ITGA8: variants seen among roughly 807,000 people sequenced by gnomAD.
ITGA8 encodes the protein integrin alpha-8.
Under a neutral mutation model 142.3 loss-of-function variants are expected in ITGA8, and 91 were observed. The ratio of observed to expected loss-of-function variants is 0.64; its 90% confidence interval spans 0.54 to 0.76. The LOEUF (loss-of-function observed/expected upper bound fraction) is 0.76. Among genes scored for constraint, ITGA8 ranks in the 30% least tolerant of loss-of-function variants. The pLI, the probability that ITGA8 is intolerant of heterozygous loss-of-function variation, is 0.00. For missense variants in ITGA8, 1,406 were observed against 1,327.7 expected (o/e 1.06, Z -0.92); for synonymous variants, 505 against 485.2 (o/e 1.04, Z -0.54).
At chr10:15,555,869 T>G (rs1272487135) in intron 26 of ITGA8, among the ~76,000 whole-genome samples, 2 of 151,388 alleles carry the variant, frequency 1.3e-5, no homozygotes, top group Non-Finnish European at 2.9e-5. Flanking sequence ...ATAATTTTTT[T>G]TGTATTTTTA....
chr10:15,575,571 A>G lies in ITGA8; in HGVS notation c.2396T>C (p.Val799Ala), dbSNP rs764920273. The G allele has an allele frequency of 4.3e-6, 7 of 1,613,804 alleles. No individual in the cohort carries two copies. In the African/African-American group the frequency reaches 9.3e-5, roughly 22 times the overall value. The change falls in exon 24 of 30, where the codon GTT (valine) becomes GCT (alanine). Residue 799 changes from valine to alanine, a missense_variant. By Grantham distance (64) the Val-to-Ala change is moderately conservative. Transcript: ENST00000378076. ...IRGVSHPPQI[V>A]LPIHNWEPEE... ...TGGTTCCCAGTTATGAATGGGCAGA[A>G]CAATCTGCGGAGGGTGTGACACTCT...
chr10:15,680,384 C>G (rs1156322995), intron 4 of ITGA8, among the ~76,000 whole-genome samples: 1 of 151,826 alleles, frequency 6.6e-6, no homozygotes, highest in Non-Finnish European at 1.5e-5. Flanking sequence ...ACTTTTTAAC[C>G]TCATGCACTG....
intron 20 of ITGA8, among the ~76,000 whole-genome samples, chr10:15,598,337 T>C (rs367639044): frequency 1.3e-5 from 2 of 152,202 alleles, no homozygotes; most frequent in South Asian, 4.1e-4. Flanking sequence ...TTTTATTTTA[T>C]TTTTTATTTG....
intron 4 of ITGA8, among the ~76,000 whole-genome samples, chr10:15,681,526 T>A (rs181464714): frequency 7.2e-5 from 11 of 152,278 alleles, no homozygotes; most frequent in Non-Finnish European, 1.2e-4. Context: ...GTGTACTTTT[T>A]AAAAAAATGG....
At chr10:15,688,085 C>T in intron 2 of ITGA8, 47 bp from the exon 3 acceptor site, 1 of 1,162,236 alleles carries the variant, frequency 8.6e-7, no homozygotes, top group Non-Finnish European at 1.3e-6. Flanking sequence ...AATGTGGCAG[C>T]CAATTAAAAC....
chr10:15,669,480 C>T (rs932668463), intron 8 of ITGA8, among the ~76,000 whole-genome samples: 6 of 152,252 alleles, frequency 3.9e-5, no homozygotes, highest in South Asian at 2.1e-4. Flanking sequence ...TCCTGTAGCT[C>T]AGAGTAGTTT....
Position 15,719,781 on chromosome 10 carries a change from C to T in ITGA8, c.-10G>A, listed in dbSNP as rs1323612133. ...TGGCCCCGGGCGACATCTCCCTCCG[C>T]CCCGGTGGGTGGCTGCTACCCAGGA... On this transcript the variant is annotated 5_prime_UTR_variant, in exon 1 of 30. Transcript: ENST00000378076. 2.2e-6 allele frequency: 3 copies of T among 1,343,038 alleles called. No individual in the cohort carries two copies. In the African/African-American group the frequency reaches 4.6e-5, roughly 21 times the overall value. 83.2% of individuals were successfully genotyped at this position (1,343,038 alleles called of 1,614,324 possible).
chr10:15,684,179 C>T (rs1201829079), intron 3 of ITGA8, 52 bp from the exon 4 acceptor site: 2 of 1,569,174 alleles, frequency 1.3e-6, no homozygotes, highest in Non-Finnish European at 1.7e-6. Context: ...GTTTCTCATA[C>T]TACAGTTTTA....
intron 22 of ITGA8, 65 bp from the exon 23 acceptor site, chr10:15,586,729 T>A (rs953523534): frequency 1.1e-6 from 1 of 927,294 alleles, no homozygotes; most frequent in South Asian, 1.4e-5. Context: ...TATATGATCA[T>A]AAAAAACATT....
At chr10:15,632,130 G>A (rs1320239382) in intron 13 of ITGA8, among the ~76,000 whole-genome samples, 1 of 151,862 alleles carries the variant, frequency 6.6e-6, no homozygotes, top group Non-Finnish European at 1.5e-5. Context: ...CTTGTGAAAG[G>A]CTTTATCTGA....
At chr10:15,572,123 C>G (rs919099164) in intron 25 of ITGA8, 88 bp downstream of exon 25, 14 of 1,161,522 alleles carry the variant, frequency 1.2e-5, no homozygotes, top group East Asian at 2.4e-5. Context: ...AACGATTTCA[C>G]TCTTCTTTTT....
At chr10:15,704,599 C>T (rs78013669) in intron 2 of ITGA8, among the ~76,000 whole-genome samples, 3,109 of 152,230 alleles carry the variant, frequency 0.02, 116 homozygotes, top group African/African-American at 0.07. Context: ...GATCACATAT[C>T]GTAGTCATAG....
chr10:15,638,976 A>C (rs1288308896), intron 13 of ITGA8, among the ~76,000 whole-genome samples: 3 of 152,036 alleles, frequency 2.0e-5, no homozygotes, highest in Non-Finnish European at 2.9e-5. Context: ...AAAAAATCAA[A>C]AAATTAGCCA....
intron 2 of ITGA8, among the ~76,000 whole-genome samples, chr10:15,701,711 T>C (rs1427270275): frequency 2.6e-5 from 4 of 152,176 alleles, no homozygotes; most frequent in African/African-American, 9.7e-5. Flanking sequence ...TTGAAAACTA[T>C]TTATAAAGCC....
intron 8 of ITGA8, among the ~76,000 whole-genome samples, chr10:15,671,071 T>C (rs1315787123): frequency 6.6e-6 from 1 of 152,186 alleles, no homozygotes; most frequent in Admixed American, 6.5e-5. Flanking sequence ...CATTATTTCA[T>C]GTCCATCAGC....
In ITGA8 at chr10:15,637,541, C is replaced by T. The variant is rs371524669; in HGVS notation, c.1399+6489G>A. On this transcript the variant is annotated intron_variant, in intron 13 of 29. Transcript: ENST00000378076. ...TTTTTTTGTTTTTGAGACAGGGTCT[C>T]ACTCCTGTTGTCCAGGCTGGAGTGC... 5.5e-5 allele frequency among the ~76,000 whole-genome samples: 8 copies of T among 145,294 alleles called. No homozygotes were observed. In the South Asian group the frequency reaches 1.1e-3, roughly 20 times the overall value.
chr10:15,704,620 G>A (rs945446375), intron 2 of ITGA8, among the ~76,000 whole-genome samples: 5 of 152,066 alleles, frequency 3.3e-5, no homozygotes, highest in African/African-American at 1.2e-4. Context: ...GTACAGCTGG[G>A]GAAATGAGAA....
At chr10:15,532,247 G>A (rs1380041953) in intron 27 of ITGA8, among the ~76,000 whole-genome samples, 1 of 151,706 alleles carries the variant, frequency 6.6e-6, no homozygotes, top group East Asian at 2.0e-4. Context: ...GTGAAACCCT[G>A]TCTCTACTAA....
chr10:15,551,839 A>T (rs536708842), intron 26 of ITGA8, among the ~76,000 whole-genome samples: 3 of 152,298 alleles, frequency 2.0e-5, no homozygotes, highest in African/African-American at 7.2e-5. Context: ...AGGGGGTCAT[A>T]AGATTTGCAA....
Sources: allele counts gnomAD v4.1 joint callset (sites outside exome capture counted in the v4.1 genomes callset), GRCh38; gene constraint gnomAD v4.1.1; transcripts MANE v1.5; gene names NCBI Gene and HGNC (gene_info 2026-07-23, HGNC 2026-07-21).